Variants in SLC45A1 observed in about 807,000 individuals in gnomAD.
SLC45A1 encodes the protein proton-associated sugar transporter A.
In SLC45A1, 28 loss-of-function variants were observed where a neutral mutation model predicts 57.6. The ratio of observed to expected loss-of-function variants is 0.49; its 90% CI spans 0.36 to 0.67. The LOEUF is 0.67. Among genes scored for constraint, SLC45A1 ranks in the 30% least tolerant of loss-of-function variants. The pLI is 0.00. For missense variants in SLC45A1, 814 were observed against 1,041.5 expected, an observed-to-expected ratio of 0.78 and a Z score of 3.01; for synonymous variants, 459 against 471.5, an observed-to-expected ratio of 0.97 and a Z score of 0.34.
At chr1:8,320,657 G>C (rs914957800) in intron 1 of SLC45A1, among the ~76,000 whole-genome samples, 68 of 137,952 alleles carry the variant, frequency 4.9e-4, no homozygotes, top group Non-Finnish European at 6.9e-4. Flanking sequence ...CTGTCTGTCT[G>C]TCTCTCTCTC....
intron 1 of SLC45A1, among the ~76,000 whole-genome samples, chr1:8,322,555 G>A (rs550131271): frequency 3.9e-5 from 6 of 152,198 alleles, no homozygotes; most frequent in African/African-American, 1.4e-4. Context: ...GTGGGGTGGT[G>A]GAAGAGTTTT....
At position 8,325,211 on chromosome 1, in the gene SLC45A1, C is replaced by T. The variant is rs1640157929; in HGVS notation, c.398-87C>T. Reference sequence around the variant, plus strand: ...TTGATGCACTGGGGGTGTTTGAGAGCAGGCACTTCAGGAATGTGGAGGCTG... The same window carrying T: ...TTGATGCACTGGGGGTGTTTGAGAGTAGGCACTTCAGGAATGTGGAGGCTG... On this transcript the variant is annotated intron_variant, in intron 2 of 8. Coordinates refer to ENST00000471889, the MANE Select transcript of SLC45A1 (RefSeq NM_001080397.3). This position sits in a 1 kb window ranked among gnomAD's most constrained non-coding sequence, Gnocchi z 6.3. The T allele has an allele frequency of 1.6e-5, 13 of 808,550 alleles. No individual in the cohort carries two copies. The highest frequency in any genetic ancestry group is 1.4e-4 in the South Asian group (10 of 70,144). 50.1% of individuals were successfully genotyped at this position (808,550 alleles called of 1,614,324 possible).
chr1:8,327,908 G>A lies in SLC45A1; in HGVS notation c.715+1866G>A, dbSNP rs564328615. ...TTAGCCTGGCATGTGGTGCGCACCT[G>A]TAGTCCCAGCTACTCGGGAGGCTGA... On this transcript the variant is annotated intron_variant, in intron 4 of 8. Transcript: ENST00000471889. This position sits in a 1 kb window ranked among gnomAD's most constrained non-coding sequence, Gnocchi z 4.3. Among the ~76,000 whole-genome samples the A allele has an allele frequency of 1.3e-4, 20 of 152,234 alleles. No individual in the cohort carries two copies. The highest frequency in any genetic ancestry group is 1.1e-3 in the Admixed American group (17 of 15,298).
chr1:8,320,237 C>A (rs1639959138), intron 1 of SLC45A1, among the ~76,000 whole-genome samples: 1 of 152,130 alleles, frequency 6.6e-6, no homozygotes, highest in South Asian at 2.1e-4. Flanking sequence ...CTAGGACAGG[C>A]TGCAGTGGGG....
chr1:8,329,838 C>T lies in SLC45A1; in HGVS notation c.716-371C>T, dbSNP rs1159542364. 2.6e-5 allele frequency among the ~76,000 whole-genome samples: 4 copies of T among 152,152 alleles called. No individual in the cohort carries two copies. In the South Asian group the frequency reaches 8.3e-4, roughly 32 times the overall value. On this transcript the variant is annotated intron_variant, in intron 4 of 8. Transcript: ENST00000471889. ...GCTGTGTGTGAGCCATGGGGTCGGC[C>T]CTGAGCTGGAGGGGCCCTCGGAGGG... is the stretch of plus-strand genomic sequence containing the variant.
chr1:8,336,462 G>C (rs1443702535), intron 6 of SLC45A1, among the ~76,000 whole-genome samples: 1 of 151,880 alleles, frequency 6.6e-6, no homozygotes, highest in Non-Finnish European at 1.5e-5. Context: ...TACATTGTGG[G>C]ACATAAATCA....
Position 8,343,623 on chromosome 1 carries a change from T to C in SLC45A1, c.1981-124T>C. ...CTGAACTCCCTGTGCATGTTGGCGC[T>C]GAAAAATGTGAGGCCGCTGTGTGTG... is the stretch of plus-strand genomic sequence containing the variant. On this transcript the variant is annotated intron_variant, in intron 8 of 8. Transcript: ENST00000471889. This position sits in a 1 kb window ranked among gnomAD's most constrained non-coding sequence, Gnocchi z 7.7. 1 of 1,030,072 alleles carries C rather than the reference T, an allele frequency of 9.7e-7. No individual in the cohort carries two copies. Among genetic ancestry groups the C allele is most frequent in the South Asian group, 1.6e-5 (1 of 63,196 alleles). The allele number at this position is 1,030,072 out of a possible 1,614,324, so 63.8% of individuals were successfully genotyped here.
intron 1 of SLC45A1, among the ~76,000 whole-genome samples, chr1:8,322,234 G>A (rs1199706507): frequency 2.5e-4 from 4 of 16,126 alleles, no homozygotes; most frequent in African/African-American, 6.8e-4. Flanking sequence ...TGGATGGGTG[G>A]GTGGGTGGAT....
rs572548166 is a variant in SLC45A1, at chr1:8,336,900, C to T, written c.1598-916C>T. Among the ~76,000 whole-genome samples, 10 of 152,270 alleles carry T rather than the reference C, an allele frequency of 6.6e-5. No homozygotes were observed. In the South Asian group the frequency reaches 1.7e-3, roughly 25 times the overall value. On this transcript the variant is annotated intron_variant, in intron 6 of 8. Transcript: ENST00000471889. ...CCAGCACATCCATGTCTGTGCTTCC[C>T]GGTGGATTTCTCCCAATTAAATGGA...
rs192449541 is a variant in SLC45A1, at chr1:8,320,173, T to C, written c.-25+1987T>C. Among the ~76,000 whole-genome samples, 9 of 152,310 alleles carry C rather than the reference T, an allele frequency of 5.9e-5. No homozygotes were observed. The East Asian group carries it at 1.5e-3, about 26-fold the overall frequency. ...GAGCCAGGATTAAGCTAGGTTTAATTCTGGTTCAGATGCTAGAGAGAAGTT... is the reference window on the plus strand; with the variant it reads ...GAGCCAGGATTAAGCTAGGTTTAATCCTGGTTCAGATGCTAGAGAGAAGTT... On this transcript the variant is annotated intron_variant, in intron 1 of 8. Coordinates refer to ENST00000471889, the MANE Select transcript of SLC45A1 (RefSeq NM_001080397.3).
Position 8,326,095 on chromosome 1 carries a change from A to T in SLC45A1, c.715+53A>T. The T allele has an allele frequency of 4.1e-6, 6 of 1,470,534 alleles. No homozygotes were observed. The highest frequency in any genetic ancestry group is 5.6e-6 in the Non-Finnish European group (6 of 1,069,308). The allele number at this position is 1,470,534 out of a possible 1,614,324, so 91.1% of individuals were successfully genotyped here. ...GAATCTGCCGGGCTGCAGGCTTCAG[A>T]CGTGTGGCTTTCGAGGCCCTTCCTC... On this transcript the variant is annotated intron_variant, in intron 4 of 8. Transcript: ENST00000471889. The surrounding 1 kb of genome is among the most constrained non-coding windows in gnomAD (Gnocchi z 5.5).
chr1:8,325,176 T>C lies in SLC45A1; in HGVS notation c.398-122T>C. 1 of 661,690 alleles carries C rather than the reference T, an allele frequency of 1.5e-6. No homozygotes were observed. Among genetic ancestry groups the C allele is most frequent in the Non-Finnish European group, 2.7e-6 (1 of 368,666 alleles). 41.0% of individuals were successfully genotyped at this position (661,690 alleles called of 1,614,324 possible). ...GGTTTTGTCACTGACTGTTTCATCA[T>C]CTTATTCTTTTGATGCACTGGGGGT... On this transcript the variant is annotated intron_variant, in intron 2 of 8. Transcript: ENST00000471889. The surrounding 1 kb of genome is among the most constrained non-coding windows in gnomAD (Gnocchi z 6.3).
rs761551720 is a variant in SLC45A1 at position 8,326,055 on chromosome 1, A to C, written c.715+13A>C. 2 of 1,595,426 alleles carry C rather than the reference A, an allele frequency of 1.3e-6. No homozygotes were observed. The highest frequency in any genetic ancestry group is 1.7e-6 in the Non-Finnish European group (2 of 1,176,436). ...GCCCTCCTGGCAGGTGAGTCTCCGC[A>C]GCAGGGCCGAAGCTGAATCTGCCGG... On this transcript the variant is annotated intron_variant, in intron 4 of 8. Transcript: ENST00000471889. This position sits in a 1 kb window ranked among gnomAD's most constrained non-coding sequence, Gnocchi z 5.5.
chr1:8,318,690 T>A (rs1262489955), intron 1 of SLC45A1, among the ~76,000 whole-genome samples: 1 of 152,214 alleles, frequency 6.6e-6, no homozygotes, highest in Non-Finnish European at 1.5e-5. Context: ...GCCGTTCAGC[T>A]CCTTCTGCCC....
At position 8,328,042 on chromosome 1, in the gene SLC45A1, A is replaced by C. The variant is rs1235395882; in HGVS notation, c.715+2000A>C. The C allele has an allele frequency of 6.6e-6, 1 of 152,248 alleles. No homozygotes were observed. The highest frequency in any genetic ancestry group is 1.9e-4 in the East Asian group (1 of 5,198). The allele number at this position is 152,248 out of a possible 1,614,324, so 9.4% of individuals were successfully genotyped here. ...TGAGACTTCATCTCAAAATAAATAA[A>C]TTAAAATAAAATAAAATAGCAATTG... On this transcript the variant is annotated intron_variant, in intron 4 of 8. Coordinates refer to ENST00000471889, the MANE Select transcript of SLC45A1 (RefSeq NM_001080397.3). The surrounding 1 kb of genome is among the most constrained non-coding windows in gnomAD (Gnocchi z 4.6).
intron 1 of SLC45A1, among the ~76,000 whole-genome samples, chr1:8,320,478 A>G (rs1411668446): frequency 6.6e-6 from 1 of 152,138 alleles, no homozygotes; most frequent in Non-Finnish European, 1.5e-5. Flanking sequence ...CCCCATCTCT[A>G]CAAAAAAATA....
chr1:8,341,777 A>G (rs1384218553), intron 8 of SLC45A1, among the ~76,000 whole-genome samples: 1 of 151,734 alleles, frequency 6.6e-6, no homozygotes, highest in African/African-American at 2.4e-5. Flanking sequence ...AAAATTAGCC[A>G]GGCATGGTGG....
Position 8,324,324 on chromosome 1 carries a change from C to G in SLC45A1, c.-6C>G, listed in dbSNP as rs1407024434. The G allele has an allele frequency of 4.3e-6, 7 of 1,610,782 alleles. No individual in the cohort carries two copies. The highest frequency in any genetic ancestry group is 5.9e-6 in the Non-Finnish European group (7 of 1,178,616). ...CTCACAGGGACGCCCACCAGCCCTC[C>G]CCACGATGATCCCCGCAGCCAGCAG... On this transcript the variant is annotated 5_prime_UTR_variant, in exon 2 of 9. Coordinates refer to ENST00000471889, the MANE Select transcript of SLC45A1 (RefSeq NM_001080397.3).
chr1:8,334,302 C>T (rs559354570), intron 5 of SLC45A1, among the ~76,000 whole-genome samples: 53 of 152,348 alleles, frequency 3.5e-4, no homozygotes, highest in South Asian at 1.7e-3. Flanking sequence ...GCATGGGGGA[C>T]GCGCTCTGCC....
Sources: gnomAD v4.1 joint callset for allele counts (sites outside exome capture counted in the v4.1 genomes callset) on GRCh38, gnomAD v4.1.1 for gene constraint, Gnocchi (gnomAD v3.1) non-coding constraint, MANE v1.5 for transcripts, NCBI Gene and HGNC (gene_info 2026-07-23, HGNC 2026-07-21) for gene names.